Variants in CCDC148 observed in about 807,000 individuals in gnomAD.
CCDC148 encodes the protein coiled-coil domain-containing protein 148.
A neutral mutation model predicts 85.7 loss-of-function variants in CCDC148; 89 were observed. The ratio of observed to expected loss-of-function variants is 1.04; its 90% CI spans 0.87 to 1.24. The LOEUF (loss-of-function observed/expected upper bound fraction) is 1.24. CCDC148 is among the 50% of genes most tolerant of loss of function. The probability of loss-of-function intolerance (pLI) is 0.00; values close to 1 mark genes in which losing one functional copy is unlikely to be tolerated. For missense variants in CCDC148, 692 were observed against 671.7 expected (o/e 1.03, Z -0.33); for synonymous variants, 230 against 213.9 (o/e 1.08, Z -0.66).
intron 1 of CCDC148, among the ~76,000 whole-genome samples, chr2:158,372,581 A>C (rs1684489795): frequency 6.6e-6 from 1 of 151,990 alleles, no homozygotes; most frequent in Non-Finnish European, 1.5e-5. Context: ...TAAGAGGTTC[A>C]CCTGCTTCCC....
intron 10 of CCDC148, among the ~76,000 whole-genome samples, chr2:158,225,218 A>C (rs4635483): frequency 0.53 from 80,433 of 151,906 alleles, 23,846 homozygotes; most frequent in East Asian, 0.72. Flanking sequence ...AGGCCATTAC[A>C]TAATAGTAAA....
intron 10 of CCDC148, among the ~76,000 whole-genome samples, chr2:158,233,860 G>A (rs1344683373): frequency 2.0e-5 from 3 of 152,004 alleles, no homozygotes; most frequent in Non-Finnish European, 4.4e-5. Flanking sequence ...TTCAACCTGG[G>A]ACTGGCTTAA....
chr2:158,408,246 C>T (rs946563073), intron 1 of CCDC148, among the ~76,000 whole-genome samples: 2 of 152,088 alleles, frequency 1.3e-5, no homozygotes. Flanking sequence ...GGTGAGAACA[C>T]TTAATATATA....
At chr2:158,180,609 G>A (rs1247499266) in intron 11 of CCDC148, among the ~76,000 whole-genome samples, 1 of 152,090 alleles carries the variant, frequency 6.6e-6, no homozygotes, top group African/African-American at 2.4e-5. Flanking sequence ...GCCACGAGAG[G>A]GGAAGAGCTC....
intron 11 of CCDC148, among the ~76,000 whole-genome samples, chr2:158,186,821 T>G (rs1331636044): frequency 6.6e-6 from 1 of 152,022 alleles, no homozygotes; most frequent in Non-Finnish European, 1.5e-5. Flanking sequence ...TAGTTTTGCC[T>G]TTTCTCCCAG....
intron 1 of CCDC148, among the ~76,000 whole-genome samples, chr2:158,433,965 G>A (rs7565591): frequency 0.17 from 25,347 of 152,038 alleles, 2,276 homozygotes; most frequent in Middle Eastern, 0.21. Flanking sequence ...AGGTAAAAAC[G>A]GCTGGAAAGC....
intron 9 of CCDC148, among the ~76,000 whole-genome samples, chr2:158,305,110 A>G (rs1392124956): frequency 1.3e-5 from 2 of 152,104 alleles, no homozygotes; most frequent in East Asian, 3.9e-4. Context: ...TCTGCCAGAG[A>G]GGATCCAAAG....
At chr2:158,398,814 CA>C (rs1685644025) in intron 1 of CCDC148, among the ~76,000 whole-genome samples, 1 of 152,000 alleles carries the variant, frequency 6.6e-6, no homozygotes, top group African/African-American at 2.4e-5. Context: ...AAAAACCCTT[CA>C]AAAATATCAA....
chr2:158,287,841 G>T (rs1690700556), intron 9 of CCDC148, among the ~76,000 whole-genome samples: 1 of 152,154 alleles, frequency 6.6e-6, no homozygotes. Flanking sequence ...GACTCTATGT[G>T]GCAGCTTCAA....
intron 1 of CCDC148, among the ~76,000 whole-genome samples, chr2:158,369,667 T>C (rs1388791842): frequency 1.3e-5 from 2 of 152,140 alleles, no homozygotes; most frequent in Non-Finnish European, 2.9e-5. Flanking sequence ...TTCATATATT[T>C]CTCATGCCTG....
At chr2:158,384,523 C>T (rs1685006140) in intron 1 of CCDC148, among the ~76,000 whole-genome samples, 1 of 152,124 alleles carries the variant, frequency 6.6e-6, no homozygotes, top group Admixed American at 6.5e-5. Context: ...CTTTCTTCCT[C>T]CTTCTCCAGC....
intron 10 of CCDC148, among the ~76,000 whole-genome samples, chr2:158,239,192 T>C (rs1227157764): frequency 9.2e-5 from 14 of 152,140 alleles, no homozygotes; most frequent in Non-Finnish European, 1.8e-4. Flanking sequence ...CAAAAATTTA[T>C]ACCTGGAGTT....
At chr2:158,265,809 T>C (rs1574505644) in intron 9 of CCDC148, among the ~76,000 whole-genome samples, 1 of 152,166 alleles carries the variant, frequency 6.6e-6, no homozygotes, top group African/African-American at 2.4e-5. Context: ...ACAGAATCAC[T>C]GTCTTCCCCT....
chr2:158,260,089 T>C (rs1689157525), intron 9 of CCDC148, among the ~76,000 whole-genome samples: 1 of 151,976 alleles, frequency 6.6e-6, no homozygotes, highest in Non-Finnish European at 1.5e-5. Flanking sequence ...TTCTTGTCTG[T>C]TTTTCTCTTT....
intron 1 of CCDC148, among the ~76,000 whole-genome samples, chr2:158,425,744 G>A (rs1413258226): frequency 6.6e-6 from 1 of 152,132 alleles, no homozygotes. Context: ...TTCCCAATAT[G>A]TAGATATATT....
At chr2:158,300,454 C>A (rs922310214) in intron 9 of CCDC148, among the ~76,000 whole-genome samples, 1 of 152,032 alleles carries the variant, frequency 6.6e-6, no homozygotes, top group Non-Finnish European at 1.5e-5. Context: ...GAGTTATGTA[C>A]CAGGAGTTAG....
intron 9 of CCDC148, among the ~76,000 whole-genome samples, chr2:158,252,931 T>C (rs1688854768): frequency 6.6e-6 from 1 of 151,798 alleles, no homozygotes; most frequent in Non-Finnish European, 1.5e-5. Flanking sequence ...ATCTTTAACT[T>C]TGCCATAGCT....
At chr2:158,302,728 G>A (rs1691502923) in intron 9 of CCDC148, among the ~76,000 whole-genome samples, 1 of 151,570 alleles carries the variant, frequency 6.6e-6, no homozygotes, top group Non-Finnish European at 1.5e-5. Flanking sequence ...AGGTTGCAGT[G>A]AGCCGAGATC....
intron 2 of CCDC148, among the ~76,000 whole-genome samples, 164 bp downstream of exon 2, chr2:158,358,285 C>T (rs1391927087): frequency 6.6e-6 from 1 of 152,122 alleles, no homozygotes; most frequent in Non-Finnish European, 1.5e-5. Flanking sequence ...ATAATGGTGT[C>T]CGAGAGCATT....
Sources: gnomAD v4.1 joint callset for allele counts (sites outside exome capture counted in the v4.1 genomes callset) on GRCh38, gnomAD v4.1.1 for gene constraint, MANE v1.5 for transcripts, NCBI Gene and HGNC (gene_info 2026-07-23, HGNC 2026-07-21) for gene names.